The following LTA4H variants were observed in gnomAD, a reference collection of about 807,000 sequenced individuals.
The protein encoded by LTA4H is leukotriene A-4 hydrolase.
LTA4H carries 59 observed loss-of-function variants against 89.8 expected under a neutral mutation model. The ratio of observed to expected loss-of-function variants is 0.66; its 90% CI spans 0.53 to 0.82. The LOEUF is 0.82. LTA4H is among the 40% of genes least tolerant of loss of function. The pLI, the probability that LTA4H is intolerant of heterozygous loss-of-function variation, is 0.00. For missense variants in LTA4H, 617 were observed against 727.0 expected, an observed-to-expected ratio of 0.85 and a Z score of 1.74; for synonymous variants, 227 against 253.1, an observed-to-expected ratio of 0.90 and a Z score of 0.98.
intron 15 of LTA4H, among the ~76,000 whole-genome samples, chr12:96,007,178 T>C (rs1950215931): frequency 6.6e-6 from 1 of 152,216 alleles, no homozygotes; most frequent in African/African-American, 2.4e-5. Flanking sequence ...CTAAATTTAA[T>C]GCATAGGTAT....
At chr12:96,006,170 C>CT (rs1354256337) in intron 16 of LTA4H, 144 bp downstream of exon 16, 2 of 535,628 alleles carry the variant, frequency 3.7e-6, no homozygotes, top group African/African-American at 1.9e-5. Flanking sequence ...GCATTCAATG[C>CT]TTTTTTAAAG....
rs1950470884 is a variant in LTA4H at position 96,022,923 on chromosome 12, A to T, written c.481-672T>A. Among the ~76,000 whole-genome samples the T allele has an allele frequency of 6.6e-6, 1 of 152,256 alleles. No individual in the cohort carries two copies. Among genetic ancestry groups the T allele is most frequent in the South Asian group, 2.1e-4 (1 of 4,834 alleles). On this transcript the variant is annotated intron_variant, in intron 4 of 18. Transcript: ENST00000228740. This position sits in a 1 kb window ranked among gnomAD's most constrained non-coding sequence, Gnocchi z 4.0. The stretch of plus-strand genomic sequence containing the variant: ...AACACACACTTGGAGTTACAAATAG[A>T]GGAACATTTTAAAAGTAGTAACTGT...
At chr12:96,001,906 G>GGA (rs1950110502) in intron 18 of LTA4H, among the ~76,000 whole-genome samples, 1 of 151,336 alleles carries the variant, frequency 6.6e-6, no homozygotes, top group Non-Finnish European at 1.5e-5. Context: ...TGGAGGAGCT[G>GGA]GAGAGCAATG....
chr12:96,029,781 T>C (rs1427181318), intron 1 of LTA4H, among the ~76,000 whole-genome samples: 1 of 152,140 alleles, frequency 6.6e-6, no homozygotes, highest in Non-Finnish European at 1.5e-5. Context: ...TCAGAGTATT[T>C]TCTATCCCCA....
At position 96,015,662 on chromosome 12, in the gene LTA4H, C is replaced by T. The variant is rs759388190; in HGVS notation, c.980G>A (p.Arg327His). 5 of 1,613,356 alleles carry T rather than the reference C, an allele frequency of 3.1e-6. No homozygotes were observed. The highest frequency in any genetic ancestry group is 2.2e-5 in the South Asian group (2 of 91,044). ...ACCAAACAATCGTCCGCAAATGTGG[C>T]GTTCCAAGTACACAGTATGTCCCTC... ...LNEGHTVYLE[R>H]HICGRLFGEK... is the part of the protein sequence containing the mutation. Residue 327 changes from arginine (R) to histidine (H), a missense_variant, in exon 11 of 19, where the codon CGC (arginine) becomes CAC (histidine). This residue lies in a region of LTA4H where 290 missense variants were observed against 339.1 expected (regional missense o/e 0.86). Coordinates refer to ENST00000228740, the MANE Select transcript of LTA4H (RefSeq NM_000895.3).
chr12:96,002,005 C>T (rs902587772), intron 18 of LTA4H, among the ~76,000 whole-genome samples: 4 of 152,088 alleles, frequency 2.6e-5, no homozygotes, highest in African/African-American at 9.7e-5. Flanking sequence ...TTACAGGTGC[C>T]TACCACCACA....
At chr12:96,001,155 G>A in intron 18 of LTA4H, 49 bp from the exon 19 acceptor site, 2 of 1,185,012 alleles carry the variant, frequency 1.7e-6, no homozygotes, top group Non-Finnish European at 2.5e-6. Context: ...GAAGGAGACA[G>A]AGGAGGAGAA....
chr12:96,016,036 G>A (rs1052639123), intron 10 of LTA4H, among the ~76,000 whole-genome samples: 3 of 152,196 alleles, frequency 2.0e-5, no homozygotes, highest in African/African-American at 7.2e-5. Flanking sequence ...CTTGTTGGCC[G>A]GGCATGGTGG....
At chr12:96,005,758 T>A (rs965744424) in intron 16 of LTA4H, among the ~76,000 whole-genome samples, 21 of 123,354 alleles carry the variant, frequency 1.7e-4, no homozygotes, top group South Asian at 3.3e-4. Context: ...TTTAAAAAAA[T>A]TTTTTTATGA....
At chr12:96,010,937 G>A (rs982552973) in intron 14 of LTA4H, 2 of 152,098 alleles carry the variant, frequency 1.3e-5, no homozygotes, top group East Asian at 1.9e-4. Flanking sequence ...AAAGAGGATC[G>A]TGGAAGCCAA....
At chr12:96,024,574 T>C (rs529598303) in intron 3 of LTA4H, 27 bp from the exon 4 acceptor site, 8 of 1,438,742 alleles carry the variant, frequency 5.6e-6, no homozygotes, top group South Asian at 1.1e-5. Flanking sequence ...CAAGAAGAAA[T>C]AGCTATTTAT....
chr12:96,035,308 C>T, intron 1 of LTA4H, 53 bp downstream of exon 1: 1 of 1,553,772 alleles, frequency 6.4e-7, no homozygotes, highest in Non-Finnish European at 8.7e-7. Context: ...GGACTAGGGT[C>T]GAGGGGCAGG....
intron 1 of LTA4H, among the ~76,000 whole-genome samples, chr12:96,031,245 T>C (rs576529736): frequency 6.6e-6 from 1 of 152,292 alleles, no homozygotes; most frequent in South Asian, 2.1e-4. Flanking sequence ...GTTACTTAGG[T>C]CTGTATTCCC....
intron 10 of LTA4H, 109 bp downstream of exon 10, chr12:96,016,935 A>G (rs1950386835): frequency 1.3e-6 from 1 of 774,248 alleles, no homozygotes; most frequent in South Asian, 1.5e-5. Flanking sequence ...CTAAGAGATG[A>G]TAACAAAGAA....
chr12:96,022,386 TATACAA>T lies in LTA4H; in HGVS notation c.481-141_481-136del, dbSNP rs1950463723. ...ACTATGAACACAAAAAGTATATACA[TATACAA>T]AAAGTATATATATACACACACATAT... On this transcript the variant is annotated intron_variant, in intron 4 of 18. Transcript: ENST00000228740. The surrounding 1 kb of genome is among the most constrained non-coding windows in gnomAD (Gnocchi z 4.0). 3 of 602,656 alleles carry T rather than the reference TATACAA, an allele frequency of 5.0e-6. No individual in the cohort carries two copies. The South Asian group carries it at 6.2e-5, about 12-fold the overall frequency. 37.3% of individuals were successfully genotyped at this position (602,656 alleles called of 1,614,324 possible).
intron 10 of LTA4H, among the ~76,000 whole-genome samples, chr12:96,016,285 T>A (rs538021617): frequency 8.2e-6 from 1 of 121,734 alleles, no homozygotes; most frequent in African/African-American, 3.3e-5. Context: ...GGCGACAGAG[T>A]GAGACTCCAT....
At chr12:96,037,771 C>T (rs1950661499), upstream of LTA4H, among the ~76,000 whole-genome samples, 1 of 148,506 alleles carries the variant, frequency 6.7e-6, no homozygotes, top group African/African-American at 2.5e-5. Context: ...TCGGCTCACA[C>T]AAGCTCCGCC....
Position 96,027,332 on chromosome 12 carries a change from C to T in LTA4H, c.411+112G>A, listed in dbSNP as rs560895914. On this transcript the variant is annotated intron_variant, in intron 3 of 18. Transcript: ENST00000228740. ...TATGTTTCTATAAGATCAATTAATA[C>T]ATTTTATTAGGTAAAACCTACATAA... 13 of 858,160 alleles carry T rather than the reference C, an allele frequency of 1.5e-5. No individual in the cohort carries two copies. The South Asian group carries it at 2.0e-4, about 13-fold the overall frequency. The allele number at this position is 858,160 out of a possible 1,614,324, so 53.2% of individuals were successfully genotyped here. A position where few individuals can be genotyped will look rare whatever the true frequency, so the allele number is the denominator to read the frequency against.
Position 96,000,845 on chromosome 12 carries a change from C to G in LTA4H, c.*144G>C. On this transcript the variant is annotated 3_prime_UTR_variant, in exon 19 of 19. Coordinates refer to ENST00000228740, the MANE Select transcript of LTA4H (RefSeq NM_000895.3). Reference sequence around the variant, plus strand: ...TATGCCACTATAAGAAGAAGTAGCTCAACTTTATTTCAGTAAAATCACCAA... The same window carrying G: ...TATGCCACTATAAGAAGAAGTAGCTGAACTTTATTTCAGTAAAATCACCAA... 1.7e-6 allele frequency: 1 copy of G among 574,614 alleles called. No individual in the cohort carries two copies. The highest frequency in any genetic ancestry group is 3.1e-6 in the Non-Finnish European group (1 of 321,204). The allele number at this position is 574,614 out of a possible 1,614,324, so 35.6% of individuals were successfully genotyped here. A position where few individuals can be genotyped will look rare whatever the true frequency, so the allele number is the denominator to read the frequency against.
Sources: gnomAD v4.1 joint callset for allele counts (sites outside exome capture counted in the v4.1 genomes callset) on GRCh38, gnomAD v4.1.1 for gene constraint, gnomAD v4.1.1 regional missense constraint, Gnocchi (gnomAD v3.1) non-coding constraint, MANE v1.5 for transcripts, NCBI Gene and HGNC (gene_info 2026-07-23, HGNC 2026-07-21) for gene names.